Variants in ME1 observed in about 807,000 individuals in gnomAD.
ME1 encodes the protein NADP-dependent malic enzyme.
In ME1, 74 loss-of-function variants were observed where a neutral mutation model predicts 66.4. The observed-to-expected ratio is 1.11, with a 90% CI of 0.92 to 1.35. ME1 has a LOEUF of 1.35. Among genes scored for constraint, ME1 ranks in the 40% most tolerant of loss-of-function variants. ME1 has a pLI of 0.00. For synonymous variants in ME1, 251 were observed against 235.6 expected (o/e 1.07, Z -0.60); for missense variants, 750 against 694.1 (o/e 1.08, Z -0.90).
chr6:83,356,536 A>G (rs1267593814), intron 3 of ME1, among the ~76,000 whole-genome samples: 2 of 152,190 alleles, frequency 1.3e-5, no homozygotes, highest in Admixed American at 6.5e-5. Context: ...AGAGAAGGCC[A>G]AGGAAAAACA....
chr6:83,300,362 C>A (rs1249972218), intron 6 of ME1, among the ~76,000 whole-genome samples: 1 of 151,984 alleles, frequency 6.6e-6, no homozygotes. Context: ...AAAGCAATCA[C>A]AACAAAAGCA....
intron 10 of ME1, among the ~76,000 whole-genome samples, chr6:83,227,890 C>T (rs1790228418): frequency 6.6e-6 from 1 of 152,072 alleles, no homozygotes; most frequent in Non-Finnish European, 1.5e-5. Context: ...GATTCATCTG[C>T]AAAAGTAAAG....
intron 12 of ME1, among the ~76,000 whole-genome samples, chr6:83,223,117 G>T (rs1187208614): frequency 1.3e-5 from 2 of 152,116 alleles, no homozygotes; most frequent in Non-Finnish European, 2.9e-5. Flanking sequence ...TCTCAACAGG[G>T]AAATATTTAC....
At chr6:83,287,920 T>A (rs751321504) in intron 6 of ME1, among the ~76,000 whole-genome samples, 1 of 152,220 alleles carries the variant, frequency 6.6e-6, no homozygotes, top group Non-Finnish European at 1.5e-5. Context: ...ATGAGCATTT[T>A]TTCATATGTC....
rs1021015967 is a variant in ME1 at position 83,260,029 on chromosome 6, T to C, written c.705-6291A>G. 1.7e-4 allele frequency among the ~76,000 whole-genome samples: 26 copies of C among 152,302 alleles called. 1 individual carries two copies. The highest frequency in any genetic ancestry group is 1.4e-3 in the Admixed American group (21 of 15,282). On this transcript the variant is annotated intron_variant, in intron 6 of 13. Transcript: ENST00000369705. The stretch of plus-strand genomic sequence containing the variant: ...CTGTTTCCAAAATGATACCAAGGAC[T>C]TGAAGAAATTTTATACTATGAATCT...
At chr6:83,276,014 C>A (rs1463174056) in intron 6 of ME1, among the ~76,000 whole-genome samples, 2 of 151,912 alleles carry the variant, frequency 1.3e-5, no homozygotes, top group African/African-American at 2.4e-5. Flanking sequence ...TCGTGATCTG[C>A]CCGTCTCGGT....
chr6:83,345,966 C>A (rs959620605), intron 5 of ME1, among the ~76,000 whole-genome samples: 1 of 151,580 alleles, frequency 6.6e-6, no homozygotes. Context: ...ACTAGGGAAG[C>A]AAATAAAAGA....
chr6:83,406,548 C>T (rs1486448827), intron 2 of ME1, among the ~76,000 whole-genome samples: 1 of 152,068 alleles, frequency 6.6e-6, no homozygotes, highest in Non-Finnish European at 1.5e-5. Context: ...TAATCATCAC[C>T]CAAAGTCCTC....
chr6:83,249,999 T>A, intron 7 of ME1, among the ~76,000 whole-genome samples: 1 of 152,188 alleles, frequency 6.6e-6, no homozygotes, highest in South Asian at 2.1e-4. Flanking sequence ...CATAGATGAA[T>A]CCAGCTGTTC....
At chr6:83,309,161 T>C (rs1370482068) in intron 6 of ME1, among the ~76,000 whole-genome samples, 1 of 152,176 alleles carries the variant, frequency 6.6e-6, no homozygotes, top group Admixed American at 6.5e-5. Context: ...TAAGCTTTCC[T>C]GGGGTTTTGA....
intron 6 of ME1, among the ~76,000 whole-genome samples, chr6:83,278,390 C>T (rs897371670): frequency 2.6e-5 from 4 of 152,132 alleles, no homozygotes; most frequent in Non-Finnish European, 5.9e-5. Flanking sequence ...GAAAAGTCCC[C>T]CTTGTGCTTC....
intron 11 of ME1, among the ~76,000 whole-genome samples, chr6:83,226,852 G>T (rs1181957665): frequency 6.6e-6 from 1 of 152,098 alleles, no homozygotes; most frequent in African/African-American, 2.4e-5. Context: ...ATAGTAAAAT[G>T]TTGAAGCATT....
chr6:83,309,395 T>G (rs1277705081), intron 6 of ME1, among the ~76,000 whole-genome samples: 1 of 152,164 alleles, frequency 6.6e-6, no homozygotes, highest in African/African-American at 2.4e-5. Flanking sequence ...TCTGGATACA[T>G]TCTGTAGTTA....
At chr6:83,413,751 T>C (rs773233805) in intron 1 of ME1, among the ~76,000 whole-genome samples, 59 of 152,284 alleles carry the variant, frequency 3.9e-4, no homozygotes, top group South Asian at 1.0e-3. Flanking sequence ...AAGGCTTCTA[T>C]AGTGCCAAAA....
intron 1 of ME1, among the ~76,000 whole-genome samples, chr6:83,411,035 T>C (rs1462837440): frequency 6.6e-6 from 1 of 152,186 alleles, no homozygotes; most frequent in Non-Finnish European, 1.5e-5. Flanking sequence ...ACCTAGGGCT[T>C]AGAAATCTAG....
intron 6 of ME1, among the ~76,000 whole-genome samples, chr6:83,290,478 C>G (rs889576103): frequency 6.6e-6 from 1 of 152,164 alleles, no homozygotes; most frequent in Non-Finnish European, 1.5e-5. Flanking sequence ...TTTGATTGCA[C>G]TGTGGTCTGA....
chr6:83,376,316 G>T (rs1769287864), intron 3 of ME1, among the ~76,000 whole-genome samples: 1 of 151,864 alleles, frequency 6.6e-6, no homozygotes, highest in African/African-American at 2.4e-5. Flanking sequence ...GGGCAACATG[G>T]TGAAACCCCA....
intron 6 of ME1, among the ~76,000 whole-genome samples, chr6:83,255,711 C>G (rs1766754366): frequency 6.6e-6 from 1 of 152,030 alleles, no homozygotes; most frequent in South Asian, 2.1e-4. Context: ...ATACTATATT[C>G]TGATATATAG....
At chr6:83,359,653 C>A (rs1037681162) in intron 3 of ME1, among the ~76,000 whole-genome samples, 11 of 152,118 alleles carry the variant, frequency 7.2e-5, no homozygotes, top group African/African-American at 2.4e-4. Flanking sequence ...GGAAGGGATC[C>A]AAAGGCTTAG....
Sources: gnomAD v4.1 joint callset for allele counts (sites outside exome capture counted in the v4.1 genomes callset) on GRCh38, gnomAD v4.1.1 for gene constraint, MANE v1.5 for transcripts, NCBI Gene and HGNC (gene_info 2026-07-23, HGNC 2026-07-21) for gene names.